CHST3: variants seen among roughly 807,000 people sequenced by gnomAD.
CHST3 encodes C6ST-1.
In CHST3, 20 loss-of-function variants were observed where a neutral mutation model predicts 35.4. That is an observed-to-expected ratio of 0.57 (90% CI 0.40 to 0.82). CHST3 has a LOEUF of 0.82. Among genes scored for constraint, CHST3 ranks in the 40% least tolerant of loss-of-function variants. The probability of loss-of-function intolerance (pLI) is 0.00; values close to 1 mark genes in which losing one functional copy is unlikely to be tolerated. For synonymous variants in CHST3, 334 were observed against 295.9 expected, an observed-to-expected ratio of 1.13 and a Z score of -1.32; for missense variants, 693 against 670.1, an observed-to-expected ratio of 1.03 and a Z score of -0.38.
chr10:71,966,835 A>G (rs1233523375), intron 1 of CHST3, among the ~76,000 whole-genome samples: 4 of 152,240 alleles, frequency 2.6e-5, no homozygotes, highest in Non-Finnish European at 4.4e-5. Context: ...TTTCAATGTC[A>G]CACAGGTAGT....
chr10:71,986,548 C>T (rs554298434), intron 1 of CHST3, among the ~76,000 whole-genome samples: 2 of 152,290 alleles, frequency 1.3e-5, no homozygotes, highest in South Asian at 2.1e-4. Flanking sequence ...AGCTTTGGCC[C>T]GGGGTGGAAA....
chr10:71,991,162 T>C (rs1839893340), intron 1 of CHST3, among the ~76,000 whole-genome samples: 1 of 152,188 alleles, frequency 6.6e-6, no homozygotes, highest in Non-Finnish European at 1.5e-5. Flanking sequence ...ACATCCTACC[T>C]GTCAGAACCA....
chr10:71,997,060 T>G (rs188211151), intron 1 of CHST3, among the ~76,000 whole-genome samples: 3 of 152,266 alleles, frequency 2.0e-5, no homozygotes, highest in Admixed American at 1.3e-4. Flanking sequence ...CAAATGTACA[T>G]AGCATAAAAT....
chr10:71,974,304 G>A (rs896432972), intron 1 of CHST3, among the ~76,000 whole-genome samples: 14 of 152,210 alleles, frequency 9.2e-5, no homozygotes, highest in African/African-American at 3.4e-4. Flanking sequence ...AACCCGGCAA[G>A]GTTGTTAGCA....
Position 72,012,656 on chromosome 10 carries a change from G to A in CHST3, c.*4185G>A, listed in dbSNP as rs1323438445. 2 of 152,390 alleles carry A rather than the reference G, an allele frequency of 1.3e-5. No individual in the cohort carries two copies. Among genetic ancestry groups the A allele is most frequent in the Non-Finnish European group, 1.5e-5 (1 of 68,192 alleles). The allele number at this position is 152,390 out of a possible 1,614,324, so 9.4% of individuals were successfully genotyped here. On this transcript the variant is annotated 3_prime_UTR_variant, in exon 3 of 3. Coordinates refer to ENST00000373115, the MANE Select transcript of CHST3 (RefSeq NM_004273.5). The stretch of plus-strand genomic sequence containing the variant: ...AAATTGGGGCTGAGTGGAAGCAGAT[G>A]CCTGCACAAGCCAAGTGTGTCTTAT...
intron 1 of CHST3, among the ~76,000 whole-genome samples, chr10:71,968,361 A>C (rs905183747): frequency 3.9e-5 from 6 of 152,116 alleles, no homozygotes; most frequent in Admixed American, 3.9e-4. Flanking sequence ...AACTTGTTCA[A>C]GTTCCTTATA....
intron 1 of CHST3, among the ~76,000 whole-genome samples, chr10:71,967,881 G>A (rs1192468514): frequency 7.2e-5 from 11 of 152,076 alleles, no homozygotes; most frequent in Non-Finnish European, 1.6e-4. Flanking sequence ...GAGTACAGTG[G>A]TGCGATCTTG....
chr10:72,005,694 C>T (rs1268809282), intron 1 of CHST3, 42 bp from the exon 2 acceptor site: 25 of 933,882 alleles, frequency 2.7e-5, no homozygotes, highest in Middle Eastern at 3.2e-4. Flanking sequence ...CTGCATTCCT[C>T]GTGTACAGAC....
chr10:71,980,197 A>G (rs577279917), intron 1 of CHST3, among the ~76,000 whole-genome samples: 28 of 152,282 alleles, frequency 1.8e-4, no homozygotes, highest in Admixed American at 9.1e-4. Context: ...ACACCCACAC[A>G]TAACTGAAAC....
chr10:72,007,928 G>C lies in CHST3; in HGVS notation c.897G>C (p.Leu299=). 6.4e-7 allele frequency: 1 copy of C among 1,553,692 alleles called. No individual in the cohort carries two copies. Among genetic ancestry groups the C allele is most frequent in the Non-Finnish European group, 8.7e-7 (1 of 1,148,834 alleles). Residue 299 remains leucine (L), a synonymous_variant, in exon 3 of 3, where the codon CTG becomes CTC. Coordinates refer to ENST00000373115, the MANE Select transcript of CHST3 (RefSeq NM_004273.5). Reference sequence around the variant, plus strand: ...GCCTGGACCTGCGCGTCATCCAGCTGGTGCGCGACCCCCGGGCCGTGCTGG... The same window carrying C: ...GCCTGGACCTGCGCGTCATCCAGCTCGTGCGCGACCCCCGGGCCGTGCTGG... ...DPRLDLRVIQ[L]VRDPRAVLAS...
At chr10:71,984,539 A>G (rs746525986) in intron 1 of CHST3, among the ~76,000 whole-genome samples, 1 of 152,188 alleles carries the variant, frequency 6.6e-6, no homozygotes, top group Non-Finnish European at 1.5e-5. Flanking sequence ...TGATCTGTCC[A>G]CTGCTGTACA....
intron 1 of CHST3, among the ~76,000 whole-genome samples, chr10:71,969,895 C>CT (rs1839673123): frequency 6.6e-6 from 1 of 152,234 alleles, no homozygotes; most frequent in Admixed American, 6.5e-5. Flanking sequence ...CTCAGAGAGT[C>CT]TCTGGCTTTC....
intron 1 of CHST3, among the ~76,000 whole-genome samples, chr10:71,971,942 T>A (rs2131738303): frequency 6.6e-6 from 1 of 152,322 alleles, no homozygotes; most frequent in East Asian, 1.9e-4. Context: ...ACCCACTTGC[T>A]TTCTTTTTAC....
intron 1 of CHST3, among the ~76,000 whole-genome samples, chr10:71,996,116 G>A (rs1238793632): frequency 1.3e-5 from 2 of 152,168 alleles, no homozygotes; most frequent in Non-Finnish European, 2.9e-5. Context: ...GGTGTGGAAT[G>A]GATTGGCAGC....
chr10:71,972,765 C>T (rs978058401), intron 1 of CHST3, among the ~76,000 whole-genome samples: 1 of 152,252 alleles, frequency 6.6e-6, no homozygotes, highest in Non-Finnish European at 1.5e-5. Context: ...CACACACACC[C>T]TGCTCTCTGT....
chr10:71,964,958 A>T (rs933762082), intron 1 of CHST3, among the ~76,000 whole-genome samples: 2 of 152,200 alleles, frequency 1.3e-5, no homozygotes, highest in Non-Finnish European at 2.9e-5. Context: ...ATCTGCGCAC[A>T]CCCACACCGG....
At chr10:72,006,873 C>T (rs1840043775) in intron 2 of CHST3, among the ~76,000 whole-genome samples, 1 of 152,176 alleles carries the variant, frequency 6.6e-6, no homozygotes, top group Non-Finnish European at 1.5e-5. Context: ...GCCGGAAGTA[C>T]TAGGGAGTAA....
intron 1 of CHST3, among the ~76,000 whole-genome samples, chr10:71,975,859 C>T (rs1304139664): frequency 6.6e-6 from 1 of 152,274 alleles, no homozygotes; most frequent in Non-Finnish European, 1.5e-5. Flanking sequence ...ATGACATCCT[C>T]TCACCTTCAC....
At chr10:71,977,483 T>A (rs555096806) in intron 1 of CHST3, among the ~76,000 whole-genome samples, 1 of 148,280 alleles carries the variant, frequency 6.7e-6, no homozygotes, top group East Asian at 2.0e-4. Context: ...AGGGTCTCAC[T>A]CTGTCACCCA....
Sources: allele counts gnomAD v4.1 joint callset (sites outside exome capture counted in the v4.1 genomes callset), GRCh38; gene constraint gnomAD v4.1.1; transcripts MANE v1.5; gene names NCBI Gene and HGNC (gene_info 2026-07-23, HGNC 2026-07-21).